The following ALK variants were observed in gnomAD, a reference collection of about 807,000 sequenced individuals.
ALK encodes ALK tyrosine kinase receptor.
In ALK, 74 loss-of-function variants were observed where a neutral mutation model predicts 163.1. The ratio of observed to expected loss-of-function variants is 0.45; its 90% confidence interval spans 0.38 to 0.55. The LOEUF (loss-of-function observed/expected upper bound fraction) is 0.55, where lower values mean the gene tolerates loss of function less well. Ranked by LOEUF, ALK falls within the 20% of genes least tolerant of loss-of-function variation. ALK has a pLI of 0.00. For missense variants in ALK, 2,063 were observed against 2,105.3 expected (o/e 0.98, Z 0.39); for synonymous variants, 960 against 843.2 (o/e 1.14, Z -2.40).
At position 29,195,892 on chromosome 2, in the gene ALK, T is replaced by C. The variant is rs543588683; in HGVS notation, c.4164+878A>G. On this transcript the variant is annotated intron_variant, in intron 28 of 28. Coordinates refer to ENST00000389048, the MANE Select transcript of ALK (RefSeq NM_004304.5). ...AAAGCCCTGAGCAGGCGATTGGTGA[T>C]ACTGGCAGCAAGGCTGGCCTTGAAG... Among the ~76,000 whole-genome samples, 261 of 152,262 alleles carry C rather than the reference T, an allele frequency of 1.7e-3. 1 individual carries two copies. Among genetic ancestry groups the C allele is most frequent in the African/African-American group, 5.9e-3 (245 of 41,546 alleles).
intron 8 of ALK, among the ~76,000 whole-genome samples, 167 bp from the exon 9 acceptor site, chr2:29,297,224 G>A (rs1666215931): frequency 6.6e-6 from 1 of 152,156 alleles, no homozygotes; most frequent in Admixed American, 6.5e-5. Flanking sequence ...TTTCAGTGAA[G>A]TTCAAGTATC....
chr2:29,484,568 T>G (rs2148120634), intron 4 of ALK, among the ~76,000 whole-genome samples: 1 of 152,334 alleles, frequency 6.6e-6, no homozygotes, highest in Non-Finnish European at 1.5e-5. Context: ...CTAAATCATT[T>G]CTTGTAATCA....
chr2:29,429,647 A>G (rs1670227109), intron 4 of ALK, among the ~76,000 whole-genome samples: 1 of 152,102 alleles, frequency 6.6e-6, no homozygotes, highest in African/African-American at 2.4e-5. Flanking sequence ...TAGGATGATG[A>G]TAATCCCTAA....
chr2:29,595,319 ATTTT>A (rs10641464), intron 3 of ALK, among the ~76,000 whole-genome samples: 1 of 123,988 alleles, frequency 8.1e-6, no homozygotes. Flanking sequence ...GTCTTACTGG[ATTTT>A]TTTTTTTTTT....
At chr2:29,202,263 G>T (rs377165278) in intron 26 of ALK, among the ~76,000 whole-genome samples, 1 of 152,218 alleles carries the variant, frequency 6.6e-6, no homozygotes, top group Middle Eastern at 3.4e-3. Context: ...AGTTACCTCC[G>T]GTAAGGAGCT....
chr2:29,427,880 CA>C (rs1308151904), intron 4 of ALK, among the ~76,000 whole-genome samples: 2 of 152,074 alleles, frequency 1.3e-5, no homozygotes, highest in Non-Finnish European at 2.9e-5. Flanking sequence ...CGCTAGGTCA[CA>C]AAACAAGGCT....
intron 2 of ALK, among the ~76,000 whole-genome samples, chr2:29,698,442 G>A (rs534272606): frequency 1.8e-4 from 28 of 152,300 alleles, no homozygotes; most frequent in African/African-American, 6.7e-4. Context: ...AAAGCCACCA[G>A]CCACTCCCAT....
intron 3 of ALK, among the ~76,000 whole-genome samples, chr2:29,624,108 G>GA (rs1270449259): frequency 2.0e-5 from 3 of 152,248 alleles, no homozygotes; most frequent in Non-Finnish European, 2.9e-5. Context: ...ACTAGTTGAG[G>GA]AAAAAAATCA....
At chr2:29,317,048 T>C (rs2148246826) in intron 8 of ALK, among the ~76,000 whole-genome samples, 1 of 152,338 alleles carries the variant, frequency 6.6e-6, no homozygotes, top group Admixed American at 6.5e-5. Flanking sequence ...TTGTTTTCTG[T>C]CTGTGAGTTT....
intron 3 of ALK, among the ~76,000 whole-genome samples, chr2:29,645,097 CT>C (rs1387967226): frequency 6.6e-6 from 1 of 152,090 alleles, no homozygotes; most frequent in African/African-American, 2.4e-5. Flanking sequence ...AAATAAGAGC[CT>C]TTACTTTCTC....
In ALK at chr2:29,732,325, C is replaced by T. The variant is rs1679768411; in HGVS notation, c.668-14628G>A. Among the ~76,000 whole-genome samples, 3 of 152,100 alleles carry T rather than the reference C, an allele frequency of 2.0e-5. No individual in the cohort carries two copies. The South Asian group carries it at 6.2e-4, about 32-fold the overall frequency. Reference sequence around the variant, plus strand: ...GTCAGAATATGAGAGAGAAATAAAACAAGATGCAAAAGTGACTTTTCCACC... The same window carrying T: ...GTCAGAATATGAGAGAGAAATAAAATAAGATGCAAAAGTGACTTTTCCACC... On this transcript the variant is annotated intron_variant, in intron 1 of 28. Coordinates refer to ENST00000389048, the MANE Select transcript of ALK (RefSeq NM_004304.5).
intron 1 of ALK, among the ~76,000 whole-genome samples, chr2:29,815,931 T>C (rs1664886285): frequency 6.6e-6 from 1 of 152,232 alleles, no homozygotes; most frequent in African/African-American, 2.4e-5. Context: ...GCAAATAGCT[T>C]TAATCACATT....
chr2:29,389,297 G>C (rs1669106547), intron 4 of ALK, among the ~76,000 whole-genome samples: 1 of 152,256 alleles, frequency 6.6e-6, no homozygotes, highest in East Asian at 1.9e-4. Flanking sequence ...CGAGGCCAAA[G>C]TGATGTCTCC....
chr2:29,912,066 T>C (rs1166271851), intron 1 of ALK, among the ~76,000 whole-genome samples: 1 of 152,010 alleles, frequency 6.6e-6, no homozygotes, highest in Non-Finnish European at 1.5e-5. Flanking sequence ...AATTGTTCAA[T>C]CTACAGAACA....
chr2:29,396,836 G>GTTTTTCT (rs1669318936), intron 4 of ALK, among the ~76,000 whole-genome samples: 1 of 46,604 alleles, frequency 2.1e-5, no homozygotes, highest in Non-Finnish European at 3.5e-5. Flanking sequence ...TGTTACTATG[G>GTTTTTCT]TTTTTTTTTT....
chr2:29,341,256 A>G (rs1322537676), intron 5 of ALK, among the ~76,000 whole-genome samples: 1 of 152,236 alleles, frequency 6.6e-6, no homozygotes, highest in Non-Finnish European at 1.5e-5. Context: ...TGTAGTGATC[A>G]TGTCCTTCTC....
intron 4 of ALK, among the ~76,000 whole-genome samples, chr2:29,447,244 G>A (rs74466863): frequency 9.2e-5 from 14 of 152,066 alleles, no homozygotes; most frequent in Non-Finnish European, 5.9e-5. Flanking sequence ...TCCCCTACCC[G>A]TCTCCATTAT....
At chr2:29,374,938 C>T (rs1413806668) in intron 5 of ALK, among the ~76,000 whole-genome samples, 2 of 152,182 alleles carry the variant, frequency 1.3e-5, no homozygotes, top group African/African-American at 4.8e-5. Flanking sequence ...CACTTCCAAG[C>T]AATAGAGCTC....
At chr2:29,609,862 G>A (rs1255173484) in intron 3 of ALK, among the ~76,000 whole-genome samples, 1 of 152,032 alleles carries the variant, frequency 6.6e-6, no homozygotes, top group Non-Finnish European at 1.5e-5. Flanking sequence ...GGCTGGTCTT[G>A]AACTCCTGGC....
Sources: allele counts gnomAD v4.1 joint callset (sites outside exome capture counted in the v4.1 genomes callset), GRCh38; gene constraint gnomAD v4.1.1; transcripts MANE v1.5; gene names NCBI Gene and HGNC (gene_info 2026-07-23, HGNC 2026-07-21).